Variants in MIS18BP1 observed in about 807,000 individuals in gnomAD.
MIS18BP1 encodes the protein mis18-binding protein 1.
Under a neutral mutation model 116.1 loss-of-function variants are expected in MIS18BP1, and 72 were observed. The observed-to-expected ratio is 0.62, with a 90% CI of 0.51 to 0.75. The LOEUF is 0.75. MIS18BP1 is among the 30% of genes least tolerant of loss of function. The pLI, the probability that MIS18BP1 is intolerant of heterozygous loss-of-function variation, is 0.00. For missense variants in MIS18BP1, 1,363 were observed against 1,303.2 expected (o/e 1.05, Z -0.71); for synonymous variants, 386 against 427.0 (o/e 0.90, Z 1.18).
chr14:45,220,831 T>A (rs985554637), intron 11 of MIS18BP1, among the ~76,000 whole-genome samples: 2 of 152,176 alleles, frequency 1.3e-5, no homozygotes, highest in Non-Finnish European at 2.9e-5. Context: ...TATATTTTCA[T>A]TTTTGTTCAG....
chr14:45,226,842 A>G lies in MIS18BP1; in HGVS notation c.1747-6T>C. Reference sequence around the variant, plus strand: ...TCTTTTTTTCCAATTAATTCCTTCAAAACAAAAAGATACCTAGGTTTTATT... The same window carrying G: ...TCTTTTTTTCCAATTAATTCCTTCAGAACAAAAAGATACCTAGGTTTTATT... On this transcript the variant is annotated splice_region_variant and splice_polypyrimidine_tract_variant and intron_variant, in intron 9 of 16. Coordinates refer to ENST00000310806, the MANE Select transcript of MIS18BP1 (RefSeq NM_018353.5). 1 of 1,352,848 alleles carries G rather than the reference A, an allele frequency of 7.4e-7. No homozygotes were observed. Among genetic ancestry groups the G allele is most frequent in the Non-Finnish European group, 9.7e-7 (1 of 1,027,520 alleles). 83.8% of individuals were successfully genotyped at this position (1,352,848 alleles called of 1,614,324 possible). A position where few individuals can be genotyped will look rare whatever the true frequency, so the allele number is the denominator to read the frequency against.
intron 13 of MIS18BP1, 129 bp from the exon 14 acceptor site, chr14:45,210,657 T>A: frequency 1.8e-6 from 2 of 1,116,080 alleles, no homozygotes; most frequent in Non-Finnish European, 2.6e-6. Flanking sequence ...TTAAAAACAG[T>A]AGTACGTAGA....
intron 8 of MIS18BP1, among the ~76,000 whole-genome samples, chr14:45,229,128 C>T (rs1171853027): frequency 6.8e-6 from 1 of 146,184 alleles, no homozygotes; most frequent in Non-Finnish European, 1.5e-5. Flanking sequence ...ACCAAGATCC[C>T]TGGGGGTGGG....
intron 9 of MIS18BP1, among the ~76,000 whole-genome samples, chr14:45,227,259 A>G (rs1166982558): frequency 6.6e-6 from 1 of 152,196 alleles, no homozygotes. Context: ...CTGTAATCCC[A>G]GCACTTTGGG....
intron 7 of MIS18BP1, among the ~76,000 whole-genome samples, chr14:45,231,608 T>G (rs1401068347): frequency 6.6e-6 from 1 of 152,240 alleles, no homozygotes; most frequent in Non-Finnish European, 1.5e-5. Context: ...CCTGTTTTTG[T>G]AAATGAAGTT....
chr14:45,232,556 A>T (rs778819514), intron 7 of MIS18BP1, 177 bp downstream of exon 7: 2 of 575,988 alleles, frequency 3.5e-6, no homozygotes, highest in Admixed American at 3.0e-5. Flanking sequence ...ACACTTTGGG[A>T]GGCTGAGACA....
chr14:45,203,800 AT>A lies in MIS18BP1; in HGVS notation c.*308del, dbSNP rs1555369281. The stretch of plus-strand genomic sequence containing the variant: ...CAAAATTTTCTTGAAATAAAAAAAA[AT>A]CTGTTTGGGAAATGGTTTTCTTAAA... On this transcript the variant is annotated 3_prime_UTR_variant, in exon 17 of 17. Coordinates refer to ENST00000310806, the MANE Select transcript of MIS18BP1 (RefSeq NM_018353.5). 1 of 161,834 alleles carries A rather than the reference AT, an allele frequency of 6.2e-6. No homozygotes were observed. The highest frequency in any genetic ancestry group is 1.3e-5 in the Non-Finnish European group (1 of 75,766). The allele number at this position is 161,834 out of a possible 1,614,324, so 10.0% of individuals were successfully genotyped here. A position where few individuals can be genotyped will look rare whatever the true frequency, so the allele number is the denominator to read the frequency against.
In MIS18BP1 at chr14:45,247,310, GTTC is replaced by G; in HGVS notation, c.-27_-25del. 4 of 1,511,660 alleles carry G rather than the reference GTTC, an allele frequency of 2.6e-6. No homozygotes were observed. The highest frequency in any genetic ancestry group is 3.5e-6 in the Non-Finnish European group (4 of 1,137,142). The allele number at this position is 1,511,660 out of a possible 1,614,324, so 93.6% of individuals were successfully genotyped here. A position where few individuals can be genotyped will look rare whatever the true frequency, so the allele number is the denominator to read the frequency against. ...ATCTTGACAAGAAAGTAGCAACCAA[GTTC>G]TTCTAACAGAAAATTCACTTAAGCG... On this transcript the variant is annotated 5_prime_UTR_variant, in exon 2 of 17. Transcript: ENST00000310806.
At chr14:45,228,223 A>G (rs1891178749) in intron 8 of MIS18BP1, among the ~76,000 whole-genome samples, 1 of 152,240 alleles carries the variant, frequency 6.6e-6, no homozygotes, top group Non-Finnish European at 1.5e-5. Context: ...TAATTTGACT[A>G]GGATATAAAG....
At chr14:45,217,697 A>G (rs1280371778) in intron 12 of MIS18BP1, among the ~76,000 whole-genome samples, 2 of 151,922 alleles carry the variant, frequency 1.3e-5, no homozygotes, top group Non-Finnish European at 2.9e-5. Flanking sequence ...CAGCCTCCCA[A>G]AGTGCTGGGA....
At position 45,248,132 on chromosome 14, in the gene MIS18BP1, C is replaced by T. The variant is rs543147556; in HGVS notation, c.-91-755G>A. Among the ~76,000 whole-genome samples the T allele has an allele frequency of 9.0e-5, 13 of 144,028 alleles. No individual in the cohort carries two copies. The Admixed American group carries it at 9.3e-4, about 10-fold the overall frequency. 94.5% of individuals were successfully genotyped at this position (144,028 alleles called of 152,430 possible). ...CCAGGCTGGAGTGCAGTGGTGATCT[C>T]AGCTCACCACAACCTCCGCCTCCCA... is the stretch of plus-strand genomic sequence containing the variant. On this transcript the variant is annotated intron_variant, in intron 1 of 16. Transcript: ENST00000310806.
chr14:45,243,011 G>T, intron 2 of MIS18BP1, 137 bp from the exon 3 acceptor site: 1 of 539,144 alleles, frequency 1.9e-6, no homozygotes, highest in South Asian at 3.1e-5. Flanking sequence ...TGCAATATAT[G>T]ACAGTTACAT....
At chr14:45,231,714 G>C (rs1891282519) in intron 7 of MIS18BP1, among the ~76,000 whole-genome samples, 1 of 152,160 alleles carries the variant, frequency 6.6e-6, no homozygotes, top group Non-Finnish European at 1.5e-5. Flanking sequence ...GGGGCAATAT[G>C]CCTGCAAGAA....
chr14:45,239,210 C>A (rs927761220), intron 4 of MIS18BP1, among the ~76,000 whole-genome samples: 1 of 152,120 alleles, frequency 6.6e-6, no homozygotes, highest in Non-Finnish European at 1.5e-5. Context: ...AGAAAGTAAA[C>A]AGCTGCCCCT....
At chr14:45,221,343 A>C (rs1890968896) in intron 11 of MIS18BP1, among the ~76,000 whole-genome samples, 1 of 152,144 alleles carries the variant, frequency 6.6e-6, no homozygotes, top group African/African-American at 2.4e-5. Flanking sequence ...AGGCTGAGGC[A>C]GGAGAATGGT....
intron 11 of MIS18BP1, among the ~76,000 whole-genome samples, chr14:45,220,448 T>C (rs374574824): frequency 3.3e-5 from 5 of 152,150 alleles, no homozygotes; most frequent in East Asian, 3.9e-4. Flanking sequence ...GGGGAGGTGA[T>C]TGGTTAACGG....
At chr14:45,237,837 G>A in intron 4 of MIS18BP1, 116 bp from the exon 5 acceptor site, 1 of 1,349,538 alleles carries the variant, frequency 7.4e-7, no homozygotes, top group Non-Finnish European at 9.7e-7. Flanking sequence ...ATTCCTTAGT[G>A]TCATCGATGT....
At chr14:45,234,444 GA>G (rs1215405195) in intron 6 of MIS18BP1, among the ~76,000 whole-genome samples, 3 of 152,206 alleles carry the variant, frequency 2.0e-5, no homozygotes, top group Admixed American at 2.0e-4. Context: ...GGCTGACATA[GA>G]CAGTAACGTG....
chr14:45,231,085 T>C (rs1891260487), intron 8 of MIS18BP1, 56 bp downstream of exon 8: 7 of 1,554,080 alleles, frequency 4.5e-6, no homozygotes, highest in Non-Finnish European at 6.1e-6. Flanking sequence ...ATAAACAATG[T>C]AGACCATGTA....
Sources: gnomAD v4.1 joint callset for allele counts (sites outside exome capture counted in the v4.1 genomes callset) on GRCh38, gnomAD v4.1.1 for gene constraint, MANE v1.5 for transcripts, NCBI Gene and HGNC (gene_info 2026-07-23, HGNC 2026-07-21) for gene names.